AGPAT4: variants seen among roughly 807,000 people sequenced by gnomAD.
AGPAT4 encodes the protein 1-acyl-sn-glycerol-3-phosphate acyltransferase delta.
A neutral mutation model predicts 48.0 loss-of-function variants in AGPAT4; 15 were observed. The ratio of observed to expected loss-of-function variants is 0.31; its 90% CI spans 0.21 to 0.48. The LOEUF (loss-of-function observed/expected upper bound fraction) is 0.48, where lower values mean the gene tolerates loss of function less well. Ranked by LOEUF, AGPAT4 falls within the 20% of genes least tolerant of loss-of-function variation. The probability of loss-of-function intolerance (pLI) is 0.99; values close to 1 mark genes in which losing one functional copy is unlikely to be tolerated. For synonymous variants in AGPAT4, 178 were observed against 198.7 expected (o/e 0.90, Z 0.88); for missense variants, 314 against 482.5 (o/e 0.65, Z 3.27).
chr6:161,135,714 A>C lies in AGPAT4; in HGVS notation c.*826T>G, dbSNP rs1486199475. The stretch of plus-strand genomic sequence containing the variant: ...TCTCACAAATCACTGCAGAATGCCC[A>C]GGCTGTACGTTCATGATGTTTGTGT... On this transcript the variant is annotated 3_prime_UTR_variant, in exon 9 of 9. Coordinates refer to ENST00000320285, the MANE Select transcript of AGPAT4 (RefSeq NM_020133.3). 2.0e-5 allele frequency: 3 copies of C among 152,278 alleles called. No homozygotes were observed. The highest frequency in any genetic ancestry group is 7.2e-5 in the African/African-American group (3 of 41,470). 9.4% of individuals were successfully genotyped at this position (152,278 alleles called of 1,614,324 possible).
At chr6:161,160,511 A>C (rs1245069990) in intron 3 of AGPAT4, 1 of 168,420 alleles carries the variant, frequency 5.9e-6, no homozygotes, top group East Asian at 1.5e-4. Flanking sequence ...CGTGGGACAG[A>C]GTACGCGGGG....
At position 161,225,682 on chromosome 6, in the gene AGPAT4, G is replaced by A. The variant is rs3798936; in HGVS notation, c.178+6354C>T. Among the ~76,000 whole-genome samples, 8,411 of 152,278 alleles carry A rather than the reference G, an allele frequency of 0.055. 309 individuals carry two copies. Among genetic ancestry groups the A allele is most frequent in the East Asian group, 0.18 (935 of 5,176 alleles). On this transcript the variant is annotated intron_variant, in intron 2 of 8. Coordinates refer to ENST00000320285, the MANE Select transcript of AGPAT4 (RefSeq NM_020133.3). The surrounding 1 kb of genome is among the most constrained non-coding windows in gnomAD (Gnocchi z 5.0). ...GGAGCCGTCAGGGTGTGTGACTCCA[G>A]GTGAAGTCAGGCAGTGTTTGCTTGT... is the stretch of plus-strand genomic sequence containing the variant.
chr6:161,187,529 A>T (rs1168392635), intron 2 of AGPAT4, among the ~76,000 whole-genome samples: 1 of 150,918 alleles, frequency 6.6e-6, no homozygotes. Context: ...TTATTTATTT[A>T]TTTATTTATT....
intron 5 of AGPAT4, 146 bp downstream of exon 5, chr6:161,153,200 A>C: frequency 8.6e-7 from 1 of 1,163,284 alleles, no homozygotes; most frequent in Non-Finnish European, 1.2e-6. Flanking sequence ...TCCCAGTCAC[A>C]GAGACTGGAC....
rs987649057 is a variant in AGPAT4 at position 161,197,446 on chromosome 6, T to G, written c.179-31029A>C. Among the ~76,000 whole-genome samples the G allele has an allele frequency of 5.3e-5, 8 of 152,186 alleles. No individual in the cohort carries two copies. Among genetic ancestry groups the G allele is most frequent in the Non-Finnish European group, 8.8e-5 (6 of 68,034 alleles). ...ACATCTAAACCTAGTTGGCCCCTCCTCTGGGAAATCTTCCACAGTGATAGC... is the reference window on the plus strand; with the variant it reads ...ACATCTAAACCTAGTTGGCCCCTCCGCTGGGAAATCTTCCACAGTGATAGC... On this transcript the variant is annotated intron_variant, in intron 2 of 8. Transcript: ENST00000320285. The surrounding 1 kb of genome is among the most constrained non-coding windows in gnomAD (Gnocchi z 5.7).
At chr6:161,136,902 C>T (rs1779085259) in intron 8 of AGPAT4, among the ~76,000 whole-genome samples, 1 of 152,214 alleles carries the variant, frequency 6.6e-6, no homozygotes, top group African/African-American at 2.4e-5. Context: ...CCATGCACAG[C>T]CGTTCGCAGG....
chr6:161,237,083 T>G (rs1403526600), intron 1 of AGPAT4, among the ~76,000 whole-genome samples: 2 of 152,136 alleles, frequency 1.3e-5, no homozygotes, highest in Non-Finnish European at 2.9e-5. Context: ...TTATTGGAAT[T>G]TTCCAGAAGG....
At chr6:161,257,118 A>G (rs554766887) in intron 1 of AGPAT4, among the ~76,000 whole-genome samples, 5 of 152,258 alleles carry the variant, frequency 3.3e-5, no homozygotes, top group Non-Finnish European at 7.3e-5. Flanking sequence ...TGTTTCTAAC[A>G]TGAACTTTGG....
chr6:161,221,164 G>A lies in AGPAT4; in HGVS notation c.178+10872C>T, dbSNP rs1413247103. ...AACACATGGTGAAGGAAACGTGTGA[G>A]GCTTTCCCTCCGGTCAGCAGAAAAT... On this transcript the variant is annotated intron_variant, in intron 2 of 8. Coordinates refer to ENST00000320285, the MANE Select transcript of AGPAT4 (RefSeq NM_020133.3). This position sits in a 1 kb window ranked among gnomAD's most constrained non-coding sequence, Gnocchi z 4.5. Among the ~76,000 whole-genome samples, 1 of 152,144 alleles carries A rather than the reference G, an allele frequency of 6.6e-6. No individual in the cohort carries two copies.
intron 2 of AGPAT4, among the ~76,000 whole-genome samples, chr6:161,209,887 C>T (rs1332874813): frequency 6.6e-6 from 1 of 152,096 alleles, no homozygotes; most frequent in South Asian, 2.1e-4. Context: ...CTGGTATGTT[C>T]ACACCACAGA....
In AGPAT4 at chr6:161,270,991, T is replaced by A. The variant is rs1467063573; in HGVS notation, c.-90+2947A>T. Among the ~76,000 whole-genome samples, 1 of 152,212 alleles carries A rather than the reference T, an allele frequency of 6.6e-6. No individual in the cohort carries two copies. The highest frequency in any genetic ancestry group is 1.5e-5 in the Non-Finnish European group (1 of 68,040). ...TCCCCAGTTTCATACCTGTTTAAAGTCTAGTGTAAGTCTGGCCTTTCGTTG... is the reference window on the plus strand; with the variant it reads ...TCCCCAGTTTCATACCTGTTTAAAGACTAGTGTAAGTCTGGCCTTTCGTTG... On this transcript the variant is annotated intron_variant, in intron 1 of 8. Transcript: ENST00000320285. This position sits in a 1 kb window ranked among gnomAD's most constrained non-coding sequence, Gnocchi z 5.3.
At chr6:161,260,244 G>A (rs995519109) in intron 1 of AGPAT4, among the ~76,000 whole-genome samples, 3 of 152,174 alleles carry the variant, frequency 2.0e-5, no homozygotes, top group Non-Finnish European at 4.4e-5. Context: ...GAACCAGCCT[G>A]GGGAATGAAC....
Position 161,270,424 on chromosome 6 carries a change from G to C in AGPAT4, c.-90+3514C>G, listed in dbSNP as rs1783388065. On this transcript the variant is annotated intron_variant, in intron 1 of 8. Transcript: ENST00000320285. This position sits in a 1 kb window ranked among gnomAD's most constrained non-coding sequence, Gnocchi z 5.3. ...TTATTATGATTATATTTCAAAATAGGAGTGATGAAAGGCGTTTCACCAAAG... is the reference window on the plus strand; with the variant it reads ...TTATTATGATTATATTTCAAAATAGCAGTGATGAAAGGCGTTTCACCAAAG... Among the ~76,000 whole-genome samples the C allele has an allele frequency of 2.0e-5, 3 of 152,104 alleles. No individual in the cohort carries two copies. Among genetic ancestry groups the C allele is most frequent in the Non-Finnish European group, 4.4e-5 (3 of 68,028 alleles).
chr6:161,154,007 T>C lies in AGPAT4; in HGVS notation c.510+142A>G. ...CCCATGGTCACATACATCCCTGAGG[T>C]TATACACAGCCCTATGGTCACACAC... On this transcript the variant is annotated intron_variant, in intron 4 of 8. Transcript: ENST00000320285. The surrounding 1 kb of genome is among the most constrained non-coding windows in gnomAD (Gnocchi z 7.8). 8.9e-7 allele frequency: 1 copy of C among 1,117,380 alleles called. No individual in the cohort carries two copies. The highest frequency in any genetic ancestry group is 2.5e-5 in the East Asian group (1 of 39,402). 69.2% of individuals were successfully genotyped at this position (1,117,380 alleles called of 1,614,324 possible).
Position 161,140,855 on chromosome 6 carries a change from T to G in AGPAT4, c.844-1235A>C, listed in dbSNP as rs771836146. On this transcript the variant is annotated intron_variant, in intron 7 of 8. Transcript: ENST00000320285. The surrounding 1 kb of genome is among the most constrained non-coding windows in gnomAD (Gnocchi z 6.5). The stretch of plus-strand genomic sequence containing the variant: ...TATTGTAAAAGCTGCACGTGGCCGA[T>G]AGCATGCACGCCACACAAAAATGGG... Among the ~76,000 whole-genome samples the G allele has an allele frequency of 2.2e-4, 33 of 152,162 alleles. No individual in the cohort carries two copies. The highest frequency in any genetic ancestry group is 2.0e-4 in the Admixed American group (3 of 15,284).
rs1363465645 is a variant in AGPAT4 at position 161,164,112 on chromosome 6, C to A, written c.348+2136G>T. 6.6e-6 allele frequency among the ~76,000 whole-genome samples: 1 copy of A among 152,236 alleles called. No individual in the cohort carries two copies. The highest frequency in any genetic ancestry group is 1.9e-4 in the East Asian group (1 of 5,196). The stretch of plus-strand genomic sequence containing the variant: ...CGCCATCAGCGCTCCCGCCCTTATG[C>A]TCAGAGTTGTAAAGTGATCATGGAT... On this transcript the variant is annotated intron_variant, in intron 3 of 8. Coordinates refer to ENST00000320285, the MANE Select transcript of AGPAT4 (RefSeq NM_020133.3). This position sits in a 1 kb window ranked among gnomAD's most constrained non-coding sequence, Gnocchi z 7.4.
rs1227225974 is a variant in AGPAT4 at position 161,154,140 on chromosome 6, C to T, written c.510+9G>A. The T allele has an allele frequency of 1.2e-6, 2 of 1,614,030 alleles. No individual in the cohort carries two copies. Among genetic ancestry groups the T allele is most frequent in the African/African-American group, 1.3e-5 (1 of 75,032 alleles). On this transcript the variant is annotated intron_variant, in intron 4 of 8. Transcript: ENST00000320285. This position sits in a 1 kb window ranked among gnomAD's most constrained non-coding sequence, Gnocchi z 7.8. ...CCCTTGGGACACAGCTGCTCTGGTG[C>T]CTACATACAAAATACTTCTCGGGGT...
In AGPAT4 at chr6:161,161,358, T is replaced by C. The variant is rs1008265807; in HGVS notation, c.348+4890A>G. On this transcript the variant is annotated intron_variant, in intron 3 of 8. Transcript: ENST00000320285. The surrounding 1 kb of genome is among the most constrained non-coding windows in gnomAD (Gnocchi z 4.6). ...CTGCCCTGGCCAGTGGTTCGCCTGC[T>C]ACCTCGGTCGTCACCATTATCGGGT... 1.3e-5 allele frequency: 6 copies of C among 456,632 alleles called. No individual in the cohort carries two copies. Among genetic ancestry groups the C allele is most frequent in the African/African-American group, 1.2e-4 (6 of 50,092 alleles). 28.3% of individuals were successfully genotyped at this position (456,632 alleles called of 1,614,324 possible). A position where few individuals can be genotyped will look rare whatever the true frequency, so the allele number is the denominator to read the frequency against.
intron 1 of AGPAT4, among the ~76,000 whole-genome samples, chr6:161,257,084 G>T (rs1317357196): frequency 6.6e-6 from 1 of 152,196 alleles, no homozygotes; most frequent in Non-Finnish European, 1.5e-5. Flanking sequence ...GAGATGGGGG[G>T]AAAGTGGCAA....
Sources: allele counts gnomAD v4.1 joint callset (sites outside exome capture counted in the v4.1 genomes callset), GRCh38; gene constraint gnomAD v4.1.1; non-coding constraint Gnocchi (gnomAD v3.1); transcripts MANE v1.5; gene names NCBI Gene and HGNC (gene_info 2026-07-23, HGNC 2026-07-21).